Variants in GCNT2 observed in about 807,000 individuals in gnomAD.
The protein encoded by GCNT2 is N-acetyllactosaminide beta-1,6-N-acetylglucosaminyl-transferase.
In GCNT2, 34 loss-of-function variants were observed where a neutral mutation model predicts 34.2. The ratio of observed to expected loss-of-function variants is 1.00; its 90% CI spans 0.76 to 1.32. GCNT2 has a LOEUF of 1.32. Ranked by LOEUF, GCNT2 falls within the 40% of genes most tolerant of loss-of-function variation. The probability of loss-of-function intolerance (pLI) is 0.00; values close to 1 mark genes in which losing one functional copy is unlikely to be tolerated. For missense variants in GCNT2, 584 were observed against 489.4 expected, an observed-to-expected ratio of 1.19 and a Z score of -1.82; for synonymous variants, 212 against 188.0, an observed-to-expected ratio of 1.13 and a Z score of -1.04.
intron 1 of GCNT2, among the ~76,000 whole-genome samples, chr6:10,523,339 T>A (rs1429975144): frequency 3.3e-5 from 5 of 151,112 alleles, no homozygotes; most frequent in African/African-American, 9.8e-5. Flanking sequence ...GGCAGGAGAA[T>A]TGCTTAAACC....
chr6:10,575,954 A>T (rs1289956591), intron 3 of GCNT2, among the ~76,000 whole-genome samples: 2 of 151,554 alleles, frequency 1.3e-5, no homozygotes. Context: ...CCCTTTGCTG[A>T]CTCTCTTTTC....
At chr6:10,606,508 C>T (rs1336695686) in intron 3 of GCNT2, among the ~76,000 whole-genome samples, 1 of 144,876 alleles carries the variant, frequency 6.9e-6, no homozygotes, top group Non-Finnish European at 1.5e-5. Flanking sequence ...AAAATATATC[C>T]TTGTTTAGCA....
At chr6:10,576,107 T>C (rs1328228141) in intron 3 of GCNT2, among the ~76,000 whole-genome samples, 1 of 152,092 alleles carries the variant, frequency 6.6e-6, no homozygotes, top group Non-Finnish European at 1.5e-5. Context: ...TGACCTCAGG[T>C]GATCTGCCTG....
At chr6:10,537,690 T>G in intron 3 of GCNT2, among the ~76,000 whole-genome samples, 1 of 111,930 alleles carries the variant, frequency 8.9e-6, no homozygotes. Context: ...AAGAGGGAGA[T>G]TCTGCCGCAA....
In GCNT2 at chr6:10,627,245, G is replaced by T. The variant is rs997892257; in HGVS notation, c.*638G>T. 1.3e-5 allele frequency: 2 copies of T among 152,490 alleles called. No individual in the cohort carries two copies. Among genetic ancestry groups the T allele is most frequent in the African/African-American group, 4.8e-5 (2 of 41,442 alleles). The allele number at this position is 152,490 out of a possible 1,614,324, so 9.4% of individuals were successfully genotyped here. ...ACAGAATTCACTGTCTGTTGCTTCA[G>T]TAAAAGGACCTCGGGGAATAAAACA... On this transcript the variant is annotated 3_prime_UTR_variant, in exon 5 of 5. Transcript: ENST00000495262.
At chr6:10,537,883 G>C (rs1761847319) in intron 3 of GCNT2, among the ~76,000 whole-genome samples, 1 of 151,904 alleles carries the variant, frequency 6.6e-6, no homozygotes, top group Non-Finnish European at 1.5e-5. Context: ...ATAATAAAGT[G>C]GTGTCTATGT....
chr6:10,554,188 A>C (rs1485214764), intron 3 of GCNT2, among the ~76,000 whole-genome samples: 1 of 152,206 alleles, frequency 6.6e-6, no homozygotes, highest in Non-Finnish European at 1.5e-5. Context: ...TTAGAAAAGA[A>C]AGGTAACAGT....
chr6:10,598,021 A>C (rs1000239291), intron 3 of GCNT2, among the ~76,000 whole-genome samples: 1 of 152,188 alleles, frequency 6.6e-6, no homozygotes, highest in African/African-American at 2.4e-5. Flanking sequence ...TTGTCTGTAG[A>C]TAACTGTTTG....
chr6:10,582,525 ACAT>A (rs1222324492), intron 3 of GCNT2, among the ~76,000 whole-genome samples: 1 of 126,392 alleles, frequency 7.9e-6, no homozygotes, highest in Non-Finnish European at 1.5e-5. Flanking sequence ...ATTATATTAT[ACAT>A]CATATATTAT....
chr6:10,535,138 C>T (rs921860729), intron 3 of GCNT2, among the ~76,000 whole-genome samples: 3 of 152,026 alleles, frequency 2.0e-5, no homozygotes, highest in Non-Finnish European at 4.4e-5. Context: ...GAGCCGAGAT[C>T]GCGCCACTGC....
chr6:10,573,372 G>C (rs1014547938), intron 3 of GCNT2: 73 of 649,790 alleles, frequency 1.1e-4, no homozygotes, highest in South Asian at 6.3e-4. Flanking sequence ...ATCTTTGCTT[G>C]GGCATTTAGT....
chr6:10,532,047 G>C (rs1761518493), intron 3 of GCNT2, among the ~76,000 whole-genome samples: 1 of 152,144 alleles, frequency 6.6e-6, no homozygotes, highest in Non-Finnish European at 1.5e-5. Context: ...GCGGGTGGGA[G>C]ATGAGAACAC....
intron 2 of GCNT2, among the ~76,000 whole-genome samples, 192 bp downstream of exon 2, chr6:10,527,852 A>G (rs569886446): frequency 3.9e-5 from 6 of 152,046 alleles, no homozygotes; most frequent in African/African-American, 1.4e-4. Flanking sequence ...CTGGTGGTAA[A>G]ATTATTCTCA....
In GCNT2 at chr6:10,628,540, A is replaced by G. The variant is rs1456841083; in HGVS notation, c.*1933A>G. ...ACTTGCACAGAGGCCAGTCCCACTA[A>G]GGTGACCAGAGTGGGCTCCAAGCAC... On this transcript the variant is annotated 3_prime_UTR_variant, in exon 5 of 5. Coordinates refer to ENST00000495262, the MANE Select transcript of GCNT2 (RefSeq NM_145649.5). 6.6e-6 allele frequency: 1 copy of G among 152,228 alleles called. No individual in the cohort carries two copies. The highest frequency in any genetic ancestry group is 1.5e-5 in the Non-Finnish European group (1 of 68,044). 9.4% of individuals were successfully genotyped at this position (152,228 alleles called of 1,614,324 possible).
At position 10,527,575 on chromosome 6, in the gene GCNT2, T is replaced by C. The variant is rs1761259766; in HGVS notation, c.-367T>C. 6.6e-6 allele frequency: 1 copy of C among 152,200 alleles called. No individual in the cohort carries two copies. The highest frequency in any genetic ancestry group is 1.5e-5 in the Non-Finnish European group (1 of 68,040). 9.4% of individuals were successfully genotyped at this position (152,200 alleles called of 1,614,324 possible). A position where few individuals can be genotyped will look rare whatever the true frequency, so the allele number is the denominator to read the frequency against. On this transcript the variant is annotated 5_prime_UTR_variant, in exon 2 of 5. Transcript: ENST00000495262. The stretch of plus-strand genomic sequence containing the variant: ...TAACCACCACATCATACAAAACTCG[T>C]CGCTGACGTTTTAGATGTATAATCT...
At chr6:10,564,486 CAGAG>C (rs1380076780) in intron 3 of GCNT2, among the ~76,000 whole-genome samples, 6 of 152,152 alleles carry the variant, frequency 3.9e-5, no homozygotes, top group Non-Finnish European at 5.9e-5. Context: ...GCTCCAGAGT[CAGAG>C]AGAACCAGGT....
rs1346507046 is a variant in GCNT2, at chr6:10,561,010, G to A, written c.925+31174G>A. Among the ~76,000 whole-genome samples the A allele has an allele frequency of 2.6e-5, 4 of 152,064 alleles. No homozygotes were observed. In the South Asian group the frequency reaches 6.2e-4, roughly 24 times the overall value. On this transcript the variant is annotated intron_variant, in intron 3 of 4. Transcript: ENST00000495262. Reference sequence around the variant, plus strand: ...AGGACCACAGATTTCTCTGACCCACGTTACAGAGCATCAGGCTGTGACAGC... The same window carrying A: ...AGGACCACAGATTTCTCTGACCCACATTACAGAGCATCAGGCTGTGACAGC...
chr6:10,582,711 A>C (rs571776844), intron 3 of GCNT2, among the ~76,000 whole-genome samples: 1 of 144,550 alleles, frequency 6.9e-6, no homozygotes, highest in South Asian at 2.1e-4. Context: ...TGAAAACCTT[A>C]AGGTAAATGC....
At chr6:10,554,601 T>TA (rs1762612120) in intron 3 of GCNT2, among the ~76,000 whole-genome samples, 1 of 152,236 alleles carries the variant, frequency 6.6e-6, no homozygotes, top group African/African-American at 2.4e-5. Context: ...CCAAAGAAGA[T>TA]ACTGAATTAC....
Sources: allele counts gnomAD v4.1 joint callset (sites outside exome capture counted in the v4.1 genomes callset), GRCh38; gene constraint gnomAD v4.1.1; transcripts MANE v1.5; gene names NCBI Gene and HGNC (gene_info 2026-07-23, HGNC 2026-07-21).